ARHGAP15: variants seen among roughly 807,000 people sequenced by gnomAD.
ARHGAP15 encodes the protein Rho GTPase activating protein 15, also known as rho GTPase-activating protein 15.
In ARHGAP15, 51 loss-of-function variants were observed where a neutral mutation model predicts 63.7. The ratio of observed to expected loss-of-function variants is 0.80; its 90% confidence interval spans 0.64 to 1.01. The LOEUF (loss-of-function observed/expected upper bound fraction) is 1.01. Among genes scored for constraint, ARHGAP15 ranks in the 50% least tolerant of loss-of-function variants. The pLI is 0.00. For synonymous variants in ARHGAP15, 191 were observed against 193.8 expected (o/e 0.99, Z 0.12); for missense variants, 560 against 564.6 (o/e 0.99, Z 0.08).
chr2:143,498,623 A>G (rs1484365168), intron 9 of ARHGAP15, among the ~76,000 whole-genome samples: 2 of 152,146 alleles, frequency 1.3e-5, no homozygotes, highest in African/African-American at 4.8e-5. Flanking sequence ...AGTTCTGGGA[A>G]TAGGCAGCTA....
At chr2:143,649,476 C>T (rs902677784) in intron 12 of ARHGAP15, among the ~76,000 whole-genome samples, 6 of 151,856 alleles carry the variant, frequency 4.0e-5, no homozygotes, top group Admixed American at 2.6e-4. Context: ...GAGTTTATAA[C>T]GCAAATGTAA....
At chr2:143,486,761 T>C (rs1276055731) in intron 8 of ARHGAP15, among the ~76,000 whole-genome samples, 2 of 152,150 alleles carry the variant, frequency 1.3e-5, no homozygotes, top group Non-Finnish European at 2.9e-5. Flanking sequence ...AATCTGAGAA[T>C]AGGAAACTGA....
intron 12 of ARHGAP15, among the ~76,000 whole-genome samples, chr2:143,636,253 T>C (rs760415962): frequency 6.6e-6 from 1 of 152,120 alleles, no homozygotes; most frequent in East Asian, 1.9e-4. Flanking sequence ...TTCTTCCAGG[T>C]CCCTAACTCT....
chr2:143,422,171 C>T (rs1462998227), intron 6 of ARHGAP15, among the ~76,000 whole-genome samples: 1 of 152,032 alleles, frequency 6.6e-6, no homozygotes, highest in Non-Finnish European at 1.5e-5. Context: ...TGCTGTGAGC[C>T]TCAAGGGTAG....
At chr2:143,168,712 A>G (rs1325683260) in intron 2 of ARHGAP15, among the ~76,000 whole-genome samples, 2 of 152,020 alleles carry the variant, frequency 1.3e-5, no homozygotes, top group Non-Finnish European at 2.9e-5. Flanking sequence ...ATCTTATCAT[A>G]AAGAATCACA....
chr2:143,277,973 A>C (rs1414735608), intron 6 of ARHGAP15, among the ~76,000 whole-genome samples: 1 of 152,190 alleles, frequency 6.6e-6, no homozygotes, highest in East Asian at 1.9e-4. Context: ...AGACTCTAGC[A>C]GAAGTAATTC....
At chr2:143,432,560 C>A (rs1360494183) in intron 6 of ARHGAP15, among the ~76,000 whole-genome samples, 7 of 152,000 alleles carry the variant, frequency 4.6e-5, no homozygotes, top group Non-Finnish European at 7.4e-5. Context: ...ATTCTAAGCC[C>A]ACGTGAAAAC....
intron 2 of ARHGAP15, among the ~76,000 whole-genome samples, chr2:143,167,391 T>C (rs911830119): frequency 1.2e-4 from 19 of 152,120 alleles, no homozygotes; most frequent in African/African-American, 4.6e-4. Context: ...CAAAATAGGC[T>C]CTACTGAGAC....
At chr2:143,693,021 G>GTGAT (rs1683680455) in intron 12 of ARHGAP15, among the ~76,000 whole-genome samples, 1 of 152,074 alleles carries the variant, frequency 6.6e-6, no homozygotes, top group Non-Finnish European at 1.5e-5. Context: ...AGCATTTAAA[G>GTGAT]TGATAGTTTT....
At chr2:143,170,932 T>G (rs1173655367) in intron 2 of ARHGAP15, among the ~76,000 whole-genome samples, 1 of 152,152 alleles carries the variant, frequency 6.6e-6, no homozygotes, top group Non-Finnish European at 1.5e-5. Context: ...AGAACCTTGA[T>G]GAAAATAAGC....
chr2:143,758,507 A>G (rs1686656297), intron 13 of ARHGAP15, among the ~76,000 whole-genome samples: 1 of 152,116 alleles, frequency 6.6e-6, no homozygotes, highest in Admixed American at 6.5e-5. Context: ...AACAAACATA[A>G]AAGTATACAC....
intron 2 of ARHGAP15, among the ~76,000 whole-genome samples, chr2:143,166,068 A>AAAT (rs879755118): frequency 0.34 from 51,406 of 151,108 alleles, 9,321 homozygotes; most frequent in Middle Eastern, 0.46. Flanking sequence ...AAAGAAAAAA[A>AAAT]ATATCTTCTT....
At chr2:143,385,690 A>G (rs1005553292) in intron 6 of ARHGAP15, among the ~76,000 whole-genome samples, 2 of 152,166 alleles carry the variant, frequency 1.3e-5, no homozygotes, top group African/African-American at 4.8e-5. Context: ...CTCAGATATC[A>G]AGCTAGTAGG....
intron 13 of ARHGAP15, among the ~76,000 whole-genome samples, chr2:143,723,456 G>A (rs779728031): frequency 4.6e-5 from 7 of 152,194 alleles, no homozygotes; most frequent in Admixed American, 6.5e-5. Flanking sequence ...ATTGGGAAGA[G>A]AGGAATTCCT....
intron 10 of ARHGAP15, among the ~76,000 whole-genome samples, chr2:143,531,982 T>C (rs1694540411): frequency 6.6e-6 from 1 of 152,188 alleles, no homozygotes; most frequent in African/African-American, 2.4e-5. Flanking sequence ...AGACAGATGT[T>C]AAGATCAAGA....
intron 3 of ARHGAP15, among the ~76,000 whole-genome samples, chr2:143,215,402 G>A (rs1692716585): frequency 6.6e-6 from 1 of 152,046 alleles, no homozygotes; most frequent in African/African-American, 2.4e-5. Context: ...CACCTCACTG[G>A]GTTTTACTAA....
At position 143,606,062 on chromosome 2, in the gene ARHGAP15, AAAAAAAAAG is replaced by A. The variant is rs1181046184; in HGVS notation, c.1004-18070_1004-18062del. Among the ~76,000 whole-genome samples the A allele has an allele frequency of 4.8e-3, 349 of 73,212 alleles. 41 individuals are homozygous for A. Among genetic ancestry groups the A allele is most frequent in the Middle Eastern group, 0.011 (2 of 180 alleles). 48.0% of individuals were successfully genotyped at this position (73,212 alleles called of 152,430 possible). A position where few individuals can be genotyped will look rare whatever the true frequency, so the allele number is the denominator to read the frequency against. On this transcript the variant is annotated intron_variant, in intron 11 of 13. Coordinates refer to ENST00000295095, the MANE Select transcript of ARHGAP15 (RefSeq NM_018460.4). ...AAAAAAAAAAAAAAAAAAAAAAAAA[AAAAAAAAAG>A]CCATACATCTGTCTCTTTCGCTACC...
At chr2:143,142,824 C>T (rs1002197565) in intron 1 of ARHGAP15, among the ~76,000 whole-genome samples, 7 of 152,066 alleles carry the variant, frequency 4.6e-5, no homozygotes, top group Non-Finnish European at 2.9e-5. Context: ...ATCACGTTTT[C>T]TCCTTTAATA....
At chr2:143,424,432 G>T (rs1265962734) in intron 6 of ARHGAP15, among the ~76,000 whole-genome samples, 1 of 151,968 alleles carries the variant, frequency 6.6e-6, no homozygotes, top group Non-Finnish European at 1.5e-5. Context: ...GTGTCTGTAA[G>T]GGAGAAGAAT....
Sources: gnomAD v4.1 joint callset for allele counts (sites outside exome capture counted in the v4.1 genomes callset) on GRCh38, gnomAD v4.1.1 for gene constraint, MANE v1.5 for transcripts, NCBI Gene and HGNC (gene_info 2026-07-23, HGNC 2026-07-21) for gene names.